Variants in ZC3H3 observed in about 807,000 individuals in gnomAD.
ZC3H3 encodes the protein zinc finger CCCH-type containing 3, also known as zinc finger CCCH domain-containing protein 3.
A neutral mutation model predicts 77.3 loss-of-function variants in ZC3H3; 36 were observed. The ratio of observed to expected loss-of-function variants is 0.47; its 90% confidence interval spans 0.36 to 0.61. The LOEUF is 0.61. ZC3H3 is among the 20% of genes least tolerant of loss of function. The pLI is 0.00. For missense variants in ZC3H3, 1,331 were observed against 1,312.2 expected (o/e 1.01, Z -0.22); for synonymous variants, 626 against 555.2 (o/e 1.13, Z -1.79).
chr8:143,497,018 TTCTGTGCAAAAG>T (rs1821370013), intron 4 of ZC3H3, among the ~76,000 whole-genome samples: 1 of 152,236 alleles, frequency 6.6e-6, no homozygotes, highest in Non-Finnish European at 1.5e-5. Context: ...AGGGCTCCGC[TTCTGTGCAAAAG>T]CTCGTTTATA....
chr8:143,511,199 G>A (rs1015410094), intron 3 of ZC3H3, among the ~76,000 whole-genome samples: 3 of 152,178 alleles, frequency 2.0e-5, no homozygotes, highest in Admixed American at 1.3e-4. Context: ...CATGCCCAAT[G>A]ACGCATCATC....
chr8:143,522,606 T>TAA (rs35429086), intron 3 of ZC3H3, among the ~76,000 whole-genome samples: 3 of 140,974 alleles, frequency 2.1e-5, no homozygotes, highest in Non-Finnish European at 4.6e-5. Flanking sequence ...CTCTCTGTCT[T>TAA]AAAAAAAAAC....
chr8:143,473,432 C>T (rs930128384), intron 5 of ZC3H3, among the ~76,000 whole-genome samples: 1 of 152,192 alleles, frequency 6.6e-6, no homozygotes, highest in African/African-American at 2.4e-5. Context: ...GTTCAGCCCA[C>T]GCCTCTCCCT....
At chr8:143,439,357 T>TA (rs1185374650) in intron 11 of ZC3H3, among the ~76,000 whole-genome samples, 1 of 152,064 alleles carries the variant, frequency 6.6e-6, no homozygotes, top group Non-Finnish European at 1.5e-5. Context: ...GACCGTGAAA[T>TA]ATGACAATAA....
At chr8:143,486,226 C>T (rs1212201032) in intron 4 of ZC3H3, among the ~76,000 whole-genome samples, 5 of 152,276 alleles carry the variant, frequency 3.3e-5, no homozygotes, top group Non-Finnish European at 5.9e-5. Flanking sequence ...TGAGTTCCCG[C>T]CAGGCGCGGC....
chr8:143,500,015 C>T (rs928461958), intron 4 of ZC3H3, among the ~76,000 whole-genome samples: 1 of 152,110 alleles, frequency 6.6e-6, no homozygotes, highest in Non-Finnish European at 1.5e-5. Flanking sequence ...ATCCCACCTT[C>T]GACACCACCC....
At chr8:143,519,109 G>A (rs892559694) in intron 3 of ZC3H3, among the ~76,000 whole-genome samples, 41 of 149,124 alleles carry the variant, frequency 2.7e-4, no homozygotes, top group African/African-American at 8.1e-4. Flanking sequence ...GTGACTCACC[G>A]GCCTCTGAAG....
intron 9 of ZC3H3, among the ~76,000 whole-genome samples, chr8:143,443,780 A>G (rs546148042): frequency 1.3e-5 from 2 of 152,372 alleles, no homozygotes; most frequent in African/African-American, 4.8e-5. Context: ...GATGCTGCAG[A>G]TGATGAAAGA....
intron 4 of ZC3H3, among the ~76,000 whole-genome samples, chr8:143,479,413 C>T (rs1157601496): frequency 6.6e-6 from 1 of 152,166 alleles, no homozygotes; most frequent in Non-Finnish European, 1.5e-5. Context: ...ACCCGGAGCG[C>T]GCGTCTGCCC....
intron 8 of ZC3H3, among the ~76,000 whole-genome samples, chr8:143,466,862 G>C (rs940342555): frequency 1.3e-5 from 2 of 152,210 alleles, no homozygotes; most frequent in African/African-American, 2.4e-5. Flanking sequence ...CCTGCTCAGA[G>C]CTGCTGGGGC....
intron 4 of ZC3H3, among the ~76,000 whole-genome samples, chr8:143,483,144 C>G (rs891957336): frequency 6.6e-6 from 1 of 152,184 alleles, no homozygotes; most frequent in Non-Finnish European, 1.5e-5. Context: ...GAGGAGCGGC[C>G]GGGGGGAGGC....
At chr8:143,446,056 G>C (rs1255337796) in intron 9 of ZC3H3, among the ~76,000 whole-genome samples, 1 of 152,180 alleles carries the variant, frequency 6.6e-6, no homozygotes, top group Non-Finnish European at 1.5e-5. Context: ...CATCCACGCA[G>C]ACCTCACGAC....
intron 5 of ZC3H3, among the ~76,000 whole-genome samples, chr8:143,472,047 G>A (rs892474998): frequency 2.6e-5 from 4 of 152,068 alleles, no homozygotes; most frequent in African/African-American, 4.8e-5. Context: ...GCGGGACACC[G>A]GAGGCCATAG....
intron 4 of ZC3H3, among the ~76,000 whole-genome samples, chr8:143,504,561 A>G (rs2956376): frequency 0.036 from 5,537 of 152,154 alleles, 311 homozygotes; most frequent in African/African-American, 0.13. Flanking sequence ...CACCACAATC[A>G]AGCCTAGAGA....
Position 143,538,966 on chromosome 8 carries a change from C to G in ZC3H3, c.401G>C (p.Gly134Ala), listed in dbSNP as rs1271135285. 1.1e-5 allele frequency: 18 copies of G among 1,612,954 alleles called. No individual in the cohort carries two copies. The highest frequency in any genetic ancestry group is 1.4e-5 in the Non-Finnish European group (17 of 1,180,040). The change falls in exon 2 of 12, where the codon GGC (glycine) becomes GCC (alanine). Residue 134 changes from glycine (G) to alanine (A), a missense_variant. Physicochemically the swap from Gly to Ala is moderately conservative, Grantham distance 60 (BLOSUM62 0). Coordinates refer to ENST00000262577, the MANE Select transcript of ZC3H3 (RefSeq NM_015117.3). ...CTGGGCCCCTGAGGCACTGGCAGAG[C>G]CAGACTTTGATGGCGGTTTAACTTT... is the stretch of plus-strand genomic sequence containing the variant. Reference protein sequence around the residue: ...VIKVKPPSKSGSASASGAQRG... With the variant: ...VIKVKPPSKSASASASGAQRG...
chr8:143,529,672 T>C (rs1822538157), intron 3 of ZC3H3, among the ~76,000 whole-genome samples: 1 of 152,168 alleles, frequency 6.6e-6, no homozygotes. Context: ...TCACCAGGGC[T>C]AGAGGGTGAG....
intron 3 of ZC3H3, among the ~76,000 whole-genome samples, chr8:143,527,115 G>A (rs374168628): frequency 6.6e-6 from 1 of 152,218 alleles, no homozygotes; most frequent in East Asian, 1.9e-4. Context: ...TGGCTGCCTG[G>A]TGGGGGTTAG....
chr8:143,467,720 C>T (rs147629077), intron 8 of ZC3H3, among the ~76,000 whole-genome samples: 5 of 152,122 alleles, frequency 3.3e-5, no homozygotes, highest in Admixed American at 6.5e-5. Flanking sequence ...TTTCAGGCCG[C>T]GGGGACAACC....
chr8:143,519,301 C>T (rs1406359053), intron 3 of ZC3H3, among the ~76,000 whole-genome samples: 1 of 152,174 alleles, frequency 6.6e-6, no homozygotes, highest in African/African-American at 2.4e-5. Flanking sequence ...CCCTGGGGCT[C>T]CAGCCTTCGG....
Sources: allele counts gnomAD v4.1 joint callset (sites outside exome capture counted in the v4.1 genomes callset), GRCh38; gene constraint gnomAD v4.1.1; transcripts MANE v1.5; gene names NCBI Gene and HGNC (gene_info 2026-07-23, HGNC 2026-07-21).